The following ELAVL1 variants were observed in gnomAD, a reference collection of about 807,000 sequenced individuals.
ELAVL1 encodes the protein ELAV-like protein 1.
ELAVL1 carries 1 observed loss-of-function variant against 28.4 expected under a neutral mutation model. The observed-to-expected ratio is 0.04, with a 90% confidence interval of 0.01 to 0.17. ELAVL1 has a LOEUF of 0.17. Ranked by LOEUF, ELAVL1 falls within the 10% of genes least tolerant of loss-of-function variation. The probability of loss-of-function intolerance (pLI) is 1.00; values close to 1 mark genes in which losing one functional copy is unlikely to be tolerated. For missense variants in ELAVL1, 157 were observed against 447.2 expected, an observed-to-expected ratio of 0.35 and a Z score of 5.85; for synonymous variants, 174 against 183.5, an observed-to-expected ratio of 0.95 and a Z score of 0.42.
At chr19:7,988,931 G>C (rs1335666076) in intron 2 of ELAVL1, among the ~76,000 whole-genome samples, 3 of 152,242 alleles carry the variant, frequency 2.0e-5, no homozygotes, top group Admixed American at 1.3e-4. Flanking sequence ...CGGGGCTGGA[G>C]AGCTGGAGAC....
chr19:7,985,073 C>T (rs2051390626), intron 2 of ELAVL1, among the ~76,000 whole-genome samples: 1 of 152,214 alleles, frequency 6.6e-6, no homozygotes, highest in African/African-American at 2.4e-5. Context: ...GGGCACGCCA[C>T]CATGCCCAGC....
chr19:7,980,024 G>A (rs1301226174), intron 3 of ELAVL1, among the ~76,000 whole-genome samples: 1 of 152,198 alleles, frequency 6.6e-6, no homozygotes, highest in Non-Finnish European at 1.5e-5. Context: ...TAATTGGCAG[G>A]TCCAAGAGGG....
At chr19:7,975,047 G>A (rs1163181763) in intron 3 of ELAVL1, among the ~76,000 whole-genome samples, 1 of 152,172 alleles carries the variant, frequency 6.6e-6, no homozygotes. Flanking sequence ...CGGAGCCCAT[G>A]AGGTCTCTGG....
At chr19:7,992,947 TA>T (rs1985790215) in intron 1 of ELAVL1, among the ~76,000 whole-genome samples, 1 of 152,202 alleles carries the variant, frequency 6.6e-6, no homozygotes. Context: ...GGCTGATTTT[TA>T]AAACTTTTTG....
At chr19:7,964,840 G>C (rs1400119624) in intron 5 of ELAVL1, among the ~76,000 whole-genome samples, 1 of 152,324 alleles carries the variant, frequency 6.6e-6, no homozygotes, top group Non-Finnish European at 1.5e-5. Flanking sequence ...AAGGTCTGAG[G>C]GTCAGTTTGG....
intron 2 of ELAVL1, among the ~76,000 whole-genome samples, chr19:7,986,477 G>A (rs565661306): frequency 1.3e-5 from 2 of 152,326 alleles, no homozygotes; most frequent in Admixed American, 6.5e-5. Flanking sequence ...GATGTCGCTC[G>A]TCCCTCACAG....
intron 3 of ELAVL1, among the ~76,000 whole-genome samples, chr19:7,978,247 C>T (rs1568311117): frequency 1.3e-5 from 2 of 152,188 alleles, no homozygotes; most frequent in Non-Finnish European, 2.9e-5. Flanking sequence ...GTCTTTGTTA[C>T]CATAAGGCCT....
chr19:7,993,510 G>C (rs1466858860), intron 1 of ELAVL1, among the ~76,000 whole-genome samples: 1 of 152,250 alleles, frequency 6.6e-6, no homozygotes, highest in African/African-American at 2.4e-5. Context: ...GCTTTGAAAT[G>C]TCTTTCTCAG....
intron 3 of ELAVL1, among the ~76,000 whole-genome samples, chr19:7,980,466 A>T (rs1239353787): frequency 6.6e-6 from 1 of 152,142 alleles, no homozygotes; most frequent in African/African-American, 2.4e-5. Context: ...TCAGATGATG[A>T]GGACAGAGGA....
At chr19:7,969,018 G>A (rs2145202691) in intron 4 of ELAVL1, among the ~76,000 whole-genome samples, 1 of 152,316 alleles carries the variant, frequency 6.6e-6, no homozygotes, top group East Asian at 1.9e-4. Context: ...AGTCACGGGT[G>A]TGTCCCAGTG....
intron 1 of ELAVL1, 71 bp from the exon 2 acceptor site, chr19:7,991,902 T>C: frequency 8.6e-7 from 1 of 1,167,588 alleles, no homozygotes; most frequent in South Asian, 1.7e-5. Flanking sequence ...AACTAGTAAC[T>C]GCATTTGCAC....
intron 2 of ELAVL1, among the ~76,000 whole-genome samples, chr19:7,984,889 C>T (rs932858377): frequency 6.6e-6 from 1 of 152,202 alleles, no homozygotes; most frequent in Admixed American, 6.5e-5. Context: ...ACTGCCCAGG[C>T]GACACCCCCA....
chr19:8,000,331 G>A (rs908609378), intron 1 of ELAVL1, among the ~76,000 whole-genome samples: 2 of 152,180 alleles, frequency 1.3e-5, no homozygotes, highest in Admixed American at 6.5e-5. Context: ...GTTCACATCC[G>A]TCGATCATCT....
At position 7,969,425 on chromosome 19, in the gene ELAVL1, A is replaced by G. The variant is rs192200940; in HGVS notation, c.431-1635T>C. Among the ~76,000 whole-genome samples the G allele has an allele frequency of 2.2e-3, 328 of 152,080 alleles. 1 individual carries two copies. Among genetic ancestry groups the G allele is most frequent in the African/African-American group, 7.4e-3 (307 of 41,504 alleles). ...GAGGGTCCCGCCAGCTGCCCCCACA[A>G]TCGCGACACTGCAGGCCCCCCGTGA... On this transcript the variant is annotated intron_variant, in intron 4 of 5. Coordinates refer to ENST00000407627, the MANE Select transcript of ELAVL1 (RefSeq NM_001419.3).
At position 7,981,367 on chromosome 19, in the gene ELAVL1, T is replaced by C. The variant is rs1372106346; in HGVS notation, c.173-181A>G. The stretch of plus-strand genomic sequence containing the variant: ...TGAACACAGGTTCCTTTTTTTTTTT[T>C]TTTTTAAAGAGATAGGATCTTGCTC... On this transcript the variant is annotated intron_variant, in intron 2 of 5. Coordinates refer to ENST00000407627, the MANE Select transcript of ELAVL1 (RefSeq NM_001419.3). The surrounding 1 kb of genome is among the most constrained non-coding windows in gnomAD (Gnocchi z 4.2). 1.3e-5 allele frequency among the ~76,000 whole-genome samples: 2 copies of C among 151,894 alleles called. No individual in the cohort carries two copies. The highest frequency in any genetic ancestry group is 2.9e-5 in the Non-Finnish European group (2 of 67,946).
At chr19:7,978,972 G>C (rs992808367) in intron 3 of ELAVL1, among the ~76,000 whole-genome samples, 1 of 152,174 alleles carries the variant, frequency 6.6e-6, no homozygotes, top group Non-Finnish European at 1.5e-5. Context: ...TTAAACTGGG[G>C]ATGGCAGGGG....
chr19:8,005,129 G>A (rs996642427), intron 1 of ELAVL1, among the ~76,000 whole-genome samples: 6 of 152,076 alleles, frequency 3.9e-5, no homozygotes. Flanking sequence ...ACCTCTGCGC[G>A]CTCAAAGCGT....
In ELAVL1 at chr19:7,967,576, C is replaced by A; in HGVS notation, c.645G>T (p.Ala215=). ...CCCTCCCGACCCACCTGAATCTCTG[C>A]GCCTGGTGGTGAACGGGGCCTCCGA... ...RRFGGPVHHQ[A]QRFRFSPMGV... is the part of the protein sequence containing the mutation. Residue 215 remains alanine, a synonymous_variant, in exon 5 of 6, where the codon GCG becomes GCT. Coordinates refer to ENST00000407627, the MANE Select transcript of ELAVL1 (RefSeq NM_001419.3). The A allele has an allele frequency of 1.2e-6, 2 of 1,613,800 alleles. No individual in the cohort carries two copies. Among genetic ancestry groups the A allele is most frequent in the Non-Finnish European group, 1.7e-6 (2 of 1,179,904 alleles).
Position 7,982,320 on chromosome 19 carries a change from C to T in ELAVL1, c.173-1134G>A, listed in dbSNP as rs1985486213. Among the ~76,000 whole-genome samples, 1 of 152,090 alleles carries T rather than the reference C, an allele frequency of 6.6e-6. No individual in the cohort carries two copies. On this transcript the variant is annotated intron_variant, in intron 2 of 5. Transcript: ENST00000407627. This position sits in a 1 kb window ranked among gnomAD's most constrained non-coding sequence, Gnocchi z 4.3. ...AAGGCTGCTGAACATCTGCTGTGGG[C>T]CTGAGCCTCACCCAGCACTGCTCCA...
Sources: gnomAD v4.1 joint callset for allele counts (sites outside exome capture counted in the v4.1 genomes callset) on GRCh38, gnomAD v4.1.1 for gene constraint, Gnocchi (gnomAD v3.1) non-coding constraint, MANE v1.5 for transcripts, NCBI Gene and HGNC (gene_info 2026-07-23, HGNC 2026-07-21) for gene names.